The following BCL3 variants were observed in gnomAD, a reference collection of about 807,000 sequenced individuals.
BCL3 encodes BCL3 transcription coactivator, also known as B-cell lymphoma 3 protein.
Under a neutral mutation model 35.7 loss-of-function variants are expected in BCL3, and 15 were observed. That is an observed-to-expected ratio of 0.42 (90% CI 0.28 to 0.65). The LOEUF (loss-of-function observed/expected upper bound fraction) is 0.65, where lower values mean the gene tolerates loss of function less well. BCL3 is among the 30% of genes least tolerant of loss of function. BCL3 has a pLI of 0.22. For missense variants in BCL3, 565 were observed against 641.7 expected (o/e 0.88, Z 1.29); for synonymous variants, 311 against 284.3 (o/e 1.09, Z -0.95).
chr19:44,751,130 G>A (rs1024689736), intron 1 of BCL3, 97 bp from the exon 2 acceptor site: 3 of 1,469,176 alleles, frequency 2.0e-6, no homozygotes. Context: ...GAAAGGGCAG[G>A]TGACACCACA....
chr19:44,756,374 C>CT (rs1416933314), intron 3 of BCL3, 34 bp downstream of exon 3: 1 of 1,385,600 alleles, frequency 7.2e-7, no homozygotes, highest in East Asian at 2.8e-5. Flanking sequence ...GGGCTGGGGC[C>CT]TGGACTCCTG....
chr19:44,747,970 A>G, upstream of BCL3: 1 of 1,227,780 alleles, frequency 8.1e-7, no homozygotes, highest in Non-Finnish European at 1.1e-6. Flanking sequence ...CCCACAGCTG[A>G]TGAGGCACGT....
chr19:44,756,286 C>T lies in BCL3; in HGVS notation c.465C>T (p.Val155=). Reference sequence around the variant, plus strand: ...ACCTGCCAGCTGTGCACCGGCTGGTCAACCTCTTCCAGCAGGGGGGCCGGG... The same window carrying T: ...ACCTGCCAGCTGTGCACCGGCTGGTTAACCTCTTCCAGCAGGGGGGCCGGG... ...QGNLPAVHRL[V]NLFQQGGREL... The change falls in exon 3 of 9, where the codon GTC becomes GTT. Residue 155 remains valine (V), a synonymous_variant. Coordinates refer to ENST00000164227, the MANE Select transcript of BCL3 (RefSeq NM_005178.5). The T allele has an allele frequency of 6.4e-7, 1 of 1,554,012 alleles. No individual in the cohort carries two copies. The highest frequency in any genetic ancestry group is 8.7e-7 in the Non-Finnish European group (1 of 1,146,606).
chr19:44,747,926 T>TC, upstream of BCL3: 4 of 1,186,776 alleles, frequency 3.4e-6, no homozygotes, highest in Non-Finnish European at 4.3e-6. Flanking sequence ...AGTGGAGCGC[T>TC]CCCCACCCTC....
chr19:44,747,925 C>T, upstream of BCL3: 1 of 1,199,492 alleles, frequency 8.3e-7, no homozygotes, highest in East Asian at 4.6e-5. Context: ...CAGTGGAGCG[C>T]TCCCCACCCT....
intron 2 of BCL3, among the ~76,000 whole-genome samples, chr19:44,754,319 C>A (rs891136087): frequency 6.6e-6 from 1 of 152,076 alleles, no homozygotes; most frequent in African/African-American, 2.4e-5. Flanking sequence ...CGGGAGGACT[C>A]GGGATTATGC....
upstream of BCL3, chr19:44,748,646 C>A: frequency 1.0e-6 from 1 of 972,406 alleles, no homozygotes; most frequent in Non-Finnish European, 1.2e-6. Context: ...GGGCCGGGGG[C>A]GGGGAGGCGG....
chr19:44,749,015 C>A lies in BCL3; in HGVS notation c.225C>A (p.Gly75=). Residue 75 remains glycine, a synonymous_variant, in exon 1 of 9, where the codon GGC becomes GGA. Coordinates refer to ENST00000164227, the MANE Select transcript of BCL3 (RefSeq NM_005178.5). ...CGGCGGTCCCCGGGCCCCCCCACGGCCTGGCCCGGCCGGAGGCGCTTTACT... is the reference window on the plus strand; with the variant it reads ...CGGCGGTCCCCGGGCCCCCCCACGGACTGGCCCGGCCGGAGGCGCTTTACT... The part of the protein sequence containing the change: ...DLPAVPGPPH[G]LARPEALYYP... The A allele has an allele frequency of 7.3e-7, 1 of 1,376,700 alleles. No individual in the cohort carries two copies. Among genetic ancestry groups the A allele is most frequent in the Non-Finnish European group, 9.4e-7 (1 of 1,064,442 alleles). 85.3% of individuals were successfully genotyped at this position (1,376,700 alleles called of 1,614,324 possible).
chr19:44,759,229 T>C (rs762599), intron 8 of BCL3, among the ~76,000 whole-genome samples, 199 bp from the exon 9 acceptor site: 1 of 70,110 alleles, frequency 1.4e-5, no homozygotes, highest in African/African-American at 5.9e-5. Flanking sequence ...CCGGCCCCTC[T>C]TCCTTCAGAC....
chr19:44,752,108 AC>A (rs1346068758), intron 2 of BCL3, among the ~76,000 whole-genome samples: 2 of 150,290 alleles, frequency 1.3e-5, no homozygotes, highest in African/African-American at 5.0e-5. Context: ...ACACACACAC[AC>A]AAACTTGAAA....
chr19:44,749,255 G>A (rs1249670461), intron 1 of BCL3, among the ~76,000 whole-genome samples: 1 of 148,374 alleles, frequency 6.7e-6, no homozygotes, highest in Non-Finnish European at 1.5e-5. Flanking sequence ...TGGGGACCCT[G>A]GGGGGCAAAG....
Position 44,757,133 on chromosome 19 carries a change from G to A in BCL3, c.636G>A (p.Ala212=), listed in dbSNP as rs773105917. 2 of 1,597,950 alleles carry A rather than the reference G, an allele frequency of 1.3e-6. No homozygotes were observed. Among genetic ancestry groups the A allele is most frequent in the Non-Finnish European group, 1.7e-6 (2 of 1,172,998 alleles). ...DRHGQTAAHL[A]CEHRSPTCLR... Reference sequence around the variant, plus strand: ...ATGGCCAGACGGCCGCTCACCTGGCGTGCGAGCACCGCAGCCCGACCTGCC... The same window carrying A: ...ATGGCCAGACGGCCGCTCACCTGGCATGCGAGCACCGCAGCCCGACCTGCC... The change falls in exon 4 of 9, where the codon GCG becomes GCA. Residue 212 remains alanine (A), a synonymous_variant. Transcript: ENST00000164227. The surrounding 1 kb of genome is among the most constrained non-coding windows in gnomAD (Gnocchi z 8.4).
rs1442179925 is a variant in BCL3, at chr19:44,748,720, G to C, written c.-71G>C. ...TTCAGCCGGCTGCAGGGGAAGTCCCGGCGCCCGGCGAAACCACCCTCCCGT... is the reference window on the plus strand; with the variant it reads ...TTCAGCCGGCTGCAGGGGAAGTCCCCGCGCCCGGCGAAACCACCCTCCCGT... On this transcript the variant is annotated 5_prime_UTR_variant, in exon 1 of 9. Transcript: ENST00000164227. 1.2e-5 allele frequency: 13 copies of C among 1,061,540 alleles called. No individual in the cohort carries two copies. In the East Asian group the frequency reaches 6.8e-4, roughly 56 times the overall value. 65.8% of individuals were successfully genotyped at this position (1,061,540 alleles called of 1,614,324 possible). A position where few individuals can be genotyped will look rare whatever the true frequency, so the allele number is the denominator to read the frequency against.
In BCL3 at chr19:44,748,933, G is replaced by A. The variant is rs1051354638; in HGVS notation, c.143G>A (p.Arg48His). The change falls in exon 1 of 9, where the codon CGC becomes CAC. Residue 48 changes from arginine to histidine, a missense_variant. Physicochemically the swap from Arg to His is conservative, Grantham distance 29. This residue lies in a region of BCL3 where 267 missense variants were observed against 281.5 expected (regional missense o/e 0.95). Coordinates refer to ENST00000164227, the MANE Select transcript of BCL3 (RefSeq NM_005178.5). The part of the protein sequence containing the change: ...RAPSPEPAAP[R>H]GAAGLVVPLD... The stretch of plus-strand genomic sequence containing the variant: ...CCCTCCCCGGAGCCCGCCGCTCCCC[G>A]CGGCGCTGCGGGCCTTGTCGTCCCC... 3.3e-6 allele frequency: 4 copies of A among 1,203,450 alleles called. No individual in the cohort carries two copies. The highest frequency in any genetic ancestry group is 3.3e-4 in the Middle Eastern group (1 of 3,046). 74.5% of individuals were successfully genotyped at this position (1,203,450 alleles called of 1,614,324 possible). A position where few individuals can be genotyped will look rare whatever the true frequency, so the allele number is the denominator to read the frequency against.
rs376501290 is a variant in BCL3, at chr19:44,751,300, A to G, written c.330A>G (p.Leu110=). ...PFPLVNLPTP[L]YPMMCPMEHP... Reference sequence around the variant, plus strand: ...CTCTGGTGAACCTGCCTACACCCCTATACCCCATGATGTGCCCCATGGAAC... The same window carrying G: ...CTCTGGTGAACCTGCCTACACCCCTGTACCCCATGATGTGCCCCATGGAAC... The change falls in exon 2 of 9, where the codon CTA becomes CTG. Residue 110 remains leucine (L), a synonymous_variant. Coordinates refer to ENST00000164227, the MANE Select transcript of BCL3 (RefSeq NM_005178.5). 31 of 1,609,090 alleles carry G rather than the reference A, an allele frequency of 1.9e-5. No homozygotes were observed. The highest frequency in any genetic ancestry group is 1.8e-4 in the South Asian group (16 of 90,438).
chr19:44,753,489 TCTG>T (rs1967220550), intron 2 of BCL3, among the ~76,000 whole-genome samples: 2 of 152,274 alleles, frequency 1.3e-5, no homozygotes, highest in Non-Finnish European at 2.9e-5. Context: ...ACCCAGCTGC[TCTG>T]CCTCCCCCAC....
intron 1 of BCL3, among the ~76,000 whole-genome samples, chr19:44,750,106 G>T (rs1967148667): frequency 6.6e-6 from 1 of 152,056 alleles, no homozygotes; most frequent in South Asian, 2.1e-4. Context: ...AAAACTTTAG[G>T]TAGTTTCTGC....
In BCL3 at chr19:44,759,669, G is replaced by C. The variant is rs1443617666; in HGVS notation, c.*54G>C. 1.5e-6 allele frequency: 2 copies of C among 1,371,606 alleles called. No individual in the cohort carries two copies. Among genetic ancestry groups the C allele is most frequent in the Admixed American group, 2.3e-5 (1 of 44,342 alleles). The allele number at this position is 1,371,606 out of a possible 1,614,324, so 85.0% of individuals were successfully genotyped here. On this transcript the variant is annotated 3_prime_UTR_variant, in exon 9 of 9. Coordinates refer to ENST00000164227, the MANE Select transcript of BCL3 (RefSeq NM_005178.5). ...ATGAGGAGGGGCCCCCCTGCCCTGT[G>C]GGGTCAACCCTTCTGGAAACTGTGA...
intron 7 of BCL3, 144 bp downstream of exon 7, chr19:44,758,557 T>A: frequency 1.5e-6 from 2 of 1,300,604 alleles, no homozygotes; most frequent in Non-Finnish European, 2.1e-6. Flanking sequence ...AGCGCGGGTG[T>A]GAGTTCCAGA....
Sources: gnomAD v4.1 joint callset for allele counts (sites outside exome capture counted in the v4.1 genomes callset) on GRCh38, gnomAD v4.1.1 for gene constraint, gnomAD v4.1.1 regional missense constraint, Gnocchi (gnomAD v3.1) non-coding constraint, MANE v1.5 for transcripts, NCBI Gene and HGNC (gene_info 2026-07-23, HGNC 2026-07-21) for gene names.